PREP: variants seen among roughly 807,000 people sequenced by gnomAD.
The protein encoded by PREP is dJ355L5.1 (prolyl endopeptidase).
PREP carries 29 observed loss-of-function variants against 87.6 expected under a neutral mutation model. That is an observed-to-expected ratio of 0.33 (90% CI 0.25 to 0.45). The LOEUF (loss-of-function observed/expected upper bound fraction) is 0.45. PREP is among the 20% of genes least tolerant of loss of function. The probability of loss-of-function intolerance (pLI) is 1.00; values close to 1 mark genes in which losing one functional copy is unlikely to be tolerated. For synonymous variants in PREP, 337 were observed against 328.6 expected, an observed-to-expected ratio of 1.03 and a Z score of -0.28; for missense variants, 695 against 886.5, an observed-to-expected ratio of 0.78 and a Z score of 2.74.
chr6:105,310,214 A>G (rs1416506491), intron 10 of PREP, among the ~76,000 whole-genome samples: 9 of 152,210 alleles, frequency 5.9e-5, no homozygotes, highest in Non-Finnish European at 1.3e-4. Flanking sequence ...ATTTTTCTTA[A>G]AAAATTTAAA....
At chr6:105,345,451 T>C (rs1378936351) in intron 7 of PREP, among the ~76,000 whole-genome samples, 1 of 152,236 alleles carries the variant, frequency 6.6e-6, no homozygotes, top group Non-Finnish European at 1.5e-5. Flanking sequence ...AATTGTCTTA[T>C]GCTTTTCCTA....
At chr6:105,312,697 T>C (rs1170639704) in intron 10 of PREP, among the ~76,000 whole-genome samples, 2 of 152,224 alleles carry the variant, frequency 1.3e-5, no homozygotes, top group Non-Finnish European at 2.9e-5. Flanking sequence ...TGCTTTACAC[T>C]GAGCTCCCAG....
chr6:105,290,168 G>C (rs1219443819), intron 10 of PREP, among the ~76,000 whole-genome samples: 1 of 152,142 alleles, frequency 6.6e-6, no homozygotes, highest in African/African-American at 2.4e-5. Context: ...AATTATCAGA[G>C]GGGATACAGT....
At chr6:105,383,865 T>C (rs1011819460) in intron 2 of PREP, among the ~76,000 whole-genome samples, 1 of 152,116 alleles carries the variant, frequency 6.6e-6, no homozygotes, top group South Asian at 2.1e-4. Context: ...AAAAACCTGG[T>C]GAAGAGGTGA....
At chr6:105,313,634 G>T (rs1180299556) in intron 10 of PREP, among the ~76,000 whole-genome samples, 1 of 152,212 alleles carries the variant, frequency 6.6e-6, no homozygotes, top group Non-Finnish European at 1.5e-5. Context: ...CACTGGGACA[G>T]ATGTAACCCT....
chr6:105,360,874 C>A (rs1397252213), intron 6 of PREP, among the ~76,000 whole-genome samples: 2 of 152,162 alleles, frequency 1.3e-5, no homozygotes, highest in African/African-American at 4.8e-5. Context: ...CTTGATCAAA[C>A]AATTCCACTT....
At position 105,273,318 on chromosome 6, in the gene PREP, C is replaced by A. The variant is rs1769864578; in HGVS notation, c.*4826G>T. On this transcript the variant is annotated 3_prime_UTR_variant, in exon 15 of 15. Coordinates refer to ENST00000652536, the MANE Select transcript of PREP (RefSeq NM_002726.5). The stretch of plus-strand genomic sequence containing the variant: ...ACATTTCAAGTGTACAATTCAATGA[C>A]TTTTTAATACATTTACCAGGTTGTG... The A allele has an allele frequency of 1.3e-5, 2 of 152,284 alleles. No homozygotes were observed. The highest frequency in any genetic ancestry group is 4.2e-4 in the South Asian group (2 of 4,816). 9.4% of individuals were successfully genotyped at this position (152,284 alleles called of 1,614,324 possible). A position where few individuals can be genotyped will look rare whatever the true frequency, so the allele number is the denominator to read the frequency against.
chr6:105,360,944 T>C (rs192665758), intron 6 of PREP, among the ~76,000 whole-genome samples: 18 of 152,278 alleles, frequency 1.2e-4, no homozygotes, highest in African/African-American at 2.4e-4. Flanking sequence ...CACATACATA[T>C]GTACACACAC....
chr6:105,281,896 C>A lies in PREP; in HGVS notation c.1688G>T (p.Cys563Phe). 1.2e-6 allele frequency: 2 copies of A among 1,613,564 alleles called. No homozygotes were observed. The highest frequency in any genetic ancestry group is 1.7e-6 in the Non-Finnish European group (2 of 1,179,856). Residue 563 changes from cysteine to phenylalanine, a missense_variant, in exon 14 of 15, where the codon TGT (cysteine) becomes TTT (phenylalanine). Cys to Phe is a radical substitution (Grantham distance 205). Coordinates refer to ENST00000652536, the MANE Select transcript of PREP (RefSeq NM_002726.5). ...GSNGGLLVAA[C>F]ANQRPDLFGC... Reference sequence around the variant, plus strand: ...AAAGAGGTCAGGTCTCTGATTTGCACAAGCAGCTAAAAGCCCAACGTAGAA... The same window carrying A: ...AAAGAGGTCAGGTCTCTGATTTGCAAAAGCAGCTAAAAGCCCAACGTAGAA...
chr6:105,386,809 G>GC (rs1476246837), intron 2 of PREP, among the ~76,000 whole-genome samples: 2 of 152,182 alleles, frequency 1.3e-5, no homozygotes, highest in Non-Finnish European at 2.9e-5. Flanking sequence ...TGAAGCTTCA[G>GC]CATTTGTATT....
chr6:105,310,380 CTCTCT>C (rs962828488), intron 10 of PREP, among the ~76,000 whole-genome samples: 5 of 152,162 alleles, frequency 3.3e-5, no homozygotes, highest in African/African-American at 7.2e-5. Context: ...CTATCTCCTC[CTCTCT>C]TGTCTTTCCT....
intron 9 of PREP, among the ~76,000 whole-genome samples, chr6:105,325,080 T>G (rs1053765009): frequency 6.6e-6 from 1 of 152,056 alleles, no homozygotes; most frequent in Non-Finnish European, 1.5e-5. Context: ...ATACTGTACT[T>G]GCCTAAATAA....
intron 7 of PREP, among the ~76,000 whole-genome samples, chr6:105,339,481 T>G (rs1449983468): frequency 6.6e-6 from 1 of 152,152 alleles, no homozygotes; most frequent in Non-Finnish European, 1.5e-5. Context: ...CCTCTTCTCC[T>G]CCAAAGGTAC....
Position 105,278,974 on chromosome 6 carries a change from C to A in PREP, c.1839-536G>T, listed in dbSNP as rs1770009998. The A allele has an allele frequency of 6.6e-6, 1 of 152,184 alleles. No homozygotes were observed. Among genetic ancestry groups the A allele is most frequent in the Non-Finnish European group, 1.5e-5 (1 of 68,122 alleles). 9.4% of individuals were successfully genotyped at this position (152,184 alleles called of 1,614,324 possible). On this transcript the variant is annotated intron_variant, in intron 14 of 14. Transcript: ENST00000652536. The surrounding 1 kb of genome is among the most constrained non-coding windows in gnomAD (Gnocchi z 4.2). The stretch of plus-strand genomic sequence containing the variant: ...CCTAGTTTCTTTGTAAACCGAGAAA[C>A]CTGGATGGGCTGTTGAGCCTCCTGC...
chr6:105,384,184 G>T (rs1772923628), intron 2 of PREP, among the ~76,000 whole-genome samples: 1 of 152,142 alleles, frequency 6.6e-6, no homozygotes, highest in Admixed American at 6.5e-5. Context: ...CGGCTGGGCA[G>T]GACCTCAAGC....
At chr6:105,388,211 A>C (rs559387038) in intron 2 of PREP, among the ~76,000 whole-genome samples, 2 of 152,294 alleles carry the variant, frequency 1.3e-5, no homozygotes, top group South Asian at 4.1e-4. Context: ...CCAAGGGGCG[A>C]GCACACACCC....
chr6:105,344,265 G>A (rs2114673293), intron 7 of PREP, among the ~76,000 whole-genome samples: 1 of 152,280 alleles, frequency 6.6e-6, no homozygotes, highest in Non-Finnish European at 1.5e-5. Context: ...GCCGAGGCAG[G>A]CGGATCATGA....
intron 4 of PREP, among the ~76,000 whole-genome samples, chr6:105,374,842 G>A (rs1562221804): frequency 6.6e-6 from 1 of 151,844 alleles, no homozygotes; most frequent in Non-Finnish European, 1.5e-5. Context: ...GACTGTTTGA[G>A]GCAGGTCTCA....
chr6:105,305,666 G>A (rs1351375126), intron 10 of PREP, among the ~76,000 whole-genome samples: 1 of 152,062 alleles, frequency 6.6e-6, no homozygotes, highest in Admixed American at 6.6e-5. Flanking sequence ...TTTTATATTT[G>A]TGCAGTGGAA....
Sources: allele counts gnomAD v4.1 joint callset (sites outside exome capture counted in the v4.1 genomes callset), GRCh38; gene constraint gnomAD v4.1.1; non-coding constraint Gnocchi (gnomAD v3.1); transcripts MANE v1.5; gene names NCBI Gene and HGNC (gene_info 2026-07-23, HGNC 2026-07-21).